Variants in SNX29 observed in about 807,000 individuals in gnomAD.
SNX29 encodes the protein sorting nexin-29.
SNX29 carries 78 observed loss-of-function variants against 102.1 expected under a neutral mutation model. That is an observed-to-expected ratio of 0.76 (90% CI 0.64 to 0.92). The LOEUF (loss-of-function observed/expected upper bound fraction) is 0.92, where lower values mean the gene tolerates loss of function less well. Ranked by LOEUF, SNX29 falls within the 40% of genes least tolerant of loss-of-function variation. The pLI is 0.00. For missense variants in SNX29, 1,280 were observed against 1,061.7 expected (o/e 1.21, Z -2.86); for synonymous variants, 580 against 414.5 (o/e 1.40, Z -4.85).
rs1489918305 is a variant in SNX29, at chr16:12,394,469, C to G, written c.1900-3977C>G. On this transcript the variant is annotated intron_variant, in intron 16 of 20. Coordinates refer to ENST00000566228, the MANE Select transcript of SNX29 (RefSeq NM_032167.5). ...GGATTATATGTCTCTGTATGTGAAA[C>G]CACCCCAAAACTTAATGGCTTTTTA... Among the ~76,000 whole-genome samples the G allele has an allele frequency of 7.2e-5, 11 of 152,322 alleles. No individual in the cohort carries two copies. The East Asian group carries it at 2.1e-3, about 29-fold the overall frequency.
At chr16:12,249,902 C>T (rs75793804) in intron 14 of SNX29, among the ~76,000 whole-genome samples, 4 of 152,216 alleles carry the variant, frequency 2.6e-5, no homozygotes, top group Non-Finnish European at 2.9e-5. Flanking sequence ...TGTTAAACAC[C>T]TGCAGGTCCC....
chr16:12,540,392 C>A (rs993579887), intron 20 of SNX29, among the ~76,000 whole-genome samples: 1 of 152,162 alleles, frequency 6.6e-6, no homozygotes, highest in Non-Finnish European at 1.5e-5. Context: ...CAAATTGGCA[C>A]AAAGTTAGTG....
At chr16:12,076,175 G>A (rs142283464) in intron 10 of SNX29, among the ~76,000 whole-genome samples, 1 of 152,132 alleles carries the variant, frequency 6.6e-6, no homozygotes. Flanking sequence ...TGCACCCACT[G>A]TCTGGCACTC....
chr16:12,245,168 G>T (rs1282655910), intron 14 of SNX29, among the ~76,000 whole-genome samples: 1 of 152,130 alleles, frequency 6.6e-6, no homozygotes, highest in Non-Finnish European at 1.5e-5. Context: ...GTGGTTGAGA[G>T]CATATGCTCT....
intron 15 of SNX29, among the ~76,000 whole-genome samples, chr16:12,281,448 G>A (rs2079427715): frequency 6.6e-6 from 1 of 152,170 alleles, no homozygotes; most frequent in African/African-American, 2.4e-5. Context: ...TGGCTGGTGG[G>A]CATCTTGTGC....
chr16:12,236,428 C>CAAGGCT (rs2077935102), intron 14 of SNX29, among the ~76,000 whole-genome samples: 1 of 152,196 alleles, frequency 6.6e-6, no homozygotes, highest in Admixed American at 6.5e-5. Context: ...CACAGCAATG[C>CAAGGCT]TGAACTACTT....
At chr16:12,254,696 G>C (rs2078518502) in intron 14 of SNX29, among the ~76,000 whole-genome samples, 1 of 152,064 alleles carries the variant, frequency 6.6e-6, no homozygotes, top group Non-Finnish European at 1.5e-5. Flanking sequence ...GACTCTCCTA[G>C]AGTCCTAGAA....
intron 2 of SNX29, among the ~76,000 whole-genome samples, chr16:12,001,576 A>G (rs1361486910): frequency 2.0e-5 from 3 of 152,130 alleles, no homozygotes; most frequent in Non-Finnish European, 2.9e-5. Context: ...TTTGACAAAT[A>G]TGTCATTTAA....
Position 12,570,869 on chromosome 16 carries a change from A to G in SNX29, c.*2240A>G, listed in dbSNP as rs1195366203. 3 of 231,840 alleles carry G rather than the reference A, an allele frequency of 1.3e-5. No homozygotes were observed. Among genetic ancestry groups the G allele is most frequent in the South Asian group, 3.6e-4 (2 of 5,520 alleles). The allele number at this position is 231,840 out of a possible 1,614,324, so 14.4% of individuals were successfully genotyped here. A position where few individuals can be genotyped will look rare whatever the true frequency, so the allele number is the denominator to read the frequency against. On this transcript the variant is annotated 3_prime_UTR_variant, in exon 21 of 21. Coordinates refer to ENST00000566228, the MANE Select transcript of SNX29 (RefSeq NM_032167.5). ...GAACTGGTGGGAGAAACTGCCTCCTACTTTTATAATACTGAATTATTCACA... is the reference window on the plus strand; with the variant it reads ...GAACTGGTGGGAGAAACTGCCTCCTGCTTTTATAATACTGAATTATTCACA...
chr16:12,160,944 C>T lies in SNX29; in HGVS notation c.1595+31186C>T, dbSNP rs187216387. Among the ~76,000 whole-genome samples the T allele has an allele frequency of 1.3e-3, 202 of 152,268 alleles. 2 individuals are homozygous for T. Among genetic ancestry groups the T allele is most frequent in the Middle Eastern group, 6.8e-3 (2 of 294 alleles). On this transcript the variant is annotated intron_variant, in intron 13 of 20. Transcript: ENST00000566228. Reference sequence around the variant, plus strand: ...ACTTCTGGCCTTGTGCCGGGAGTAGCGACTGTATGTGTGATTTCGAGATAT... The same window carrying T: ...ACTTCTGGCCTTGTGCCGGGAGTAGTGACTGTATGTGTGATTTCGAGATAT...
intron 15 of SNX29, among the ~76,000 whole-genome samples, chr16:12,295,090 C>G (rs901351013): frequency 1.3e-5 from 2 of 152,228 alleles, no homozygotes; most frequent in African/African-American, 4.8e-5. Flanking sequence ...ATGGGGGAAA[C>G]TGCCCCAGTG....
At chr16:12,290,722 T>G (rs1254759616) in intron 15 of SNX29, among the ~76,000 whole-genome samples, 37 of 152,214 alleles carry the variant, frequency 2.4e-4, no homozygotes, top group Admixed American at 2.4e-3. Context: ...TATGGGTAGC[T>G]TGGGACTGTG....
At chr16:12,565,174 C>G (rs79518691) in intron 20 of SNX29, among the ~76,000 whole-genome samples, 85 of 152,208 alleles carry the variant, frequency 5.6e-4, no homozygotes, top group Non-Finnish European at 7.6e-4. Flanking sequence ...CCAGTCCTAC[C>G]CAACCCCCCA....
intron 15 of SNX29, among the ~76,000 whole-genome samples, chr16:12,282,556 G>T (rs1410880773): frequency 6.6e-6 from 1 of 152,210 alleles, no homozygotes; most frequent in Non-Finnish European, 1.5e-5. Context: ...AGCCTGTTGA[G>T]TGGCTTCAGT....
chr16:12,193,279 G>C (rs2076689396), intron 13 of SNX29, among the ~76,000 whole-genome samples: 1 of 151,964 alleles, frequency 6.6e-6, no homozygotes, highest in Admixed American at 6.6e-5. Flanking sequence ...ATACCAGCCT[G>C]ACCAACATGG....
intron 20 of SNX29, among the ~76,000 whole-genome samples, chr16:12,540,863 T>G (rs148817883): frequency 5.9e-5 from 9 of 152,204 alleles, no homozygotes; most frequent in African/African-American, 2.2e-4. Context: ...TGAGCAGGAG[T>G]GCCCTTTTCC....
chr16:12,154,803 A>G (rs1200427887), intron 13 of SNX29, among the ~76,000 whole-genome samples: 4 of 152,146 alleles, frequency 2.6e-5, no homozygotes, highest in Non-Finnish European at 5.9e-5. Context: ...GTGTCCTTAC[A>G]TGGTGGAAGA....
At chr16:12,235,697 A>G (rs1030082471) in intron 14 of SNX29, among the ~76,000 whole-genome samples, 1 of 152,164 alleles carries the variant, frequency 6.6e-6, no homozygotes, top group African/African-American at 2.4e-5. Context: ...ACTTGCATCC[A>G]CATTTTTTTT....
intron 16 of SNX29, among the ~76,000 whole-genome samples, chr16:12,363,935 T>A (rs1401709228): frequency 1.3e-5 from 2 of 152,212 alleles, no homozygotes; most frequent in Non-Finnish European, 2.9e-5. Context: ...CAAATGAGAT[T>A]GGAACATTTT....
Sources: allele counts gnomAD v4.1 joint callset (sites outside exome capture counted in the v4.1 genomes callset), GRCh38; gene constraint gnomAD v4.1.1; transcripts MANE v1.5; gene names NCBI Gene and HGNC (gene_info 2026-07-23, HGNC 2026-07-21).